ATG10: variants seen among roughly 807,000 people sequenced by gnomAD.
ATG10 encodes the protein ubiquitin-like-conjugating enzyme ATG10.
ATG10 carries 30 observed loss-of-function variants against 32.1 expected under a neutral mutation model. The observed-to-expected ratio is 0.94, with a 90% confidence interval of 0.70 to 1.27. The LOEUF (loss-of-function observed/expected upper bound fraction) is 1.27, where lower values mean the gene tolerates loss of function less well. Ranked by LOEUF, ATG10 falls within the 50% of genes most tolerant of loss-of-function variation. The pLI, the probability that ATG10 is intolerant of heterozygous loss-of-function variation, is 0.00. For missense variants in ATG10, 233 were observed against 262.3 expected (o/e 0.89, Z 0.77); for synonymous variants, 87 against 91.5 (o/e 0.95, Z 0.28).
Position 82,148,319 on chromosome 5 carries a change from C to T in ATG10, c.217-16080C>T, listed in dbSNP as rs546828367. Among the ~76,000 whole-genome samples the T allele has an allele frequency of 3.9e-5, 6 of 152,230 alleles. No homozygotes were observed. The South Asian group carries it at 1.0e-3, about 26-fold the overall frequency. On this transcript the variant is annotated intron_variant, in intron 3 of 7. Transcript: ENST00000282185. ...AGTGATCTGATTCTCTTCCAGCTGC[C>T]CACAGGCACAATAACATCATGTTCT...
intron 5 of ATG10, among the ~76,000 whole-genome samples, chr5:82,249,759 GA>G (rs1198764887): frequency 6.6e-6 from 1 of 152,080 alleles, no homozygotes. Context: ...TATGTGGAAT[GA>G]AAAAAAGATG....
At chr5:82,153,605 G>C (rs1473477521) in intron 3 of ATG10, among the ~76,000 whole-genome samples, 2 of 152,130 alleles carry the variant, frequency 1.3e-5, no homozygotes, top group Admixed American at 6.5e-5. Flanking sequence ...GGTTAAGGGT[G>C]ATTAGGATAC....
chr5:82,037,583 A>G (rs996655892), intron 2 of ATG10, among the ~76,000 whole-genome samples: 1 of 152,130 alleles, frequency 6.6e-6, no homozygotes, highest in East Asian at 1.9e-4. Flanking sequence ...AACTGTAGTC[A>G]TGATAGTGAG....
At chr5:81,999,119 C>A (rs1395329716) in intron 2 of ATG10, among the ~76,000 whole-genome samples, 1 of 149,156 alleles carries the variant, frequency 6.7e-6, no homozygotes, top group Non-Finnish European at 1.5e-5. Flanking sequence ...TCACCACACA[C>A]TCAGACATAA....
chr5:82,141,591 A>T (rs2149865261), intron 3 of ATG10, among the ~76,000 whole-genome samples: 1 of 152,312 alleles, frequency 6.6e-6, no homozygotes, highest in African/African-American at 2.4e-5. Flanking sequence ...AGAGATGAAA[A>T]AAATAAGCTA....
chr5:82,235,177 TCTTTC>T (rs1173068487), intron 5 of ATG10, among the ~76,000 whole-genome samples: 2 of 152,176 alleles, frequency 1.3e-5, no homozygotes, highest in Non-Finnish European at 2.9e-5. Context: ...ATGACTCTCT[TCTTTC>T]CTTTCCTCTA....
intron 4 of ATG10, among the ~76,000 whole-genome samples, chr5:82,166,473 G>C (rs539694721): frequency 6.6e-6 from 1 of 152,212 alleles, no homozygotes; most frequent in South Asian, 2.1e-4. Flanking sequence ...ATGTTTTCTG[G>C]TGGAGAAACA....
At chr5:82,225,180 TAAGA>T (rs1425683431) in intron 5 of ATG10, among the ~76,000 whole-genome samples, 1 of 152,196 alleles carries the variant, frequency 6.6e-6, no homozygotes, top group Non-Finnish European at 1.5e-5. Flanking sequence ...ATTTCAGAAA[TAAGA>T]GTCTCTCACT....
intron 3 of ATG10, among the ~76,000 whole-genome samples, chr5:82,135,098 A>G (rs1328406843): frequency 6.6e-6 from 1 of 151,618 alleles, no homozygotes. Flanking sequence ...TATTGTGTCT[A>G]TTTGATTCTT....
At chr5:82,090,906 T>C (rs889732054) in intron 3 of ATG10, among the ~76,000 whole-genome samples, 1 of 152,218 alleles carries the variant, frequency 6.6e-6, no homozygotes, top group African/African-American at 2.4e-5. Flanking sequence ...ACTAGGAGGA[T>C]GAAGGTGCTT....
intron 5 of ATG10, among the ~76,000 whole-genome samples, chr5:82,197,997 C>T (rs967994581): frequency 6.6e-6 from 1 of 152,074 alleles, no homozygotes; most frequent in Admixed American, 6.5e-5. Flanking sequence ...TAGAACTCCT[C>T]ACATACTTTA....
chr5:82,081,381 A>T (rs1470343597), intron 3 of ATG10, among the ~76,000 whole-genome samples: 2 of 152,224 alleles, frequency 1.3e-5, no homozygotes, highest in African/African-American at 4.8e-5. Flanking sequence ...CCTGGCCAGA[A>T]CTTCCAACAC....
intron 5 of ATG10, among the ~76,000 whole-genome samples, chr5:82,225,020 T>C (rs1440237746): frequency 6.6e-6 from 1 of 152,246 alleles, no homozygotes; most frequent in Non-Finnish European, 1.5e-5. Flanking sequence ...TGATTTCAAA[T>C]TTCCAATTAA....
intron 6 of ATG10, 28 bp from the exon 7 acceptor site, chr5:82,253,286 C>A: frequency 6.9e-7 from 1 of 1,452,666 alleles, no homozygotes; most frequent in Non-Finnish European, 9.7e-7. Context: ...GAAACGTTAG[C>A]ATGGCCTGTA....
intron 5 of ATG10, chr5:82,242,727 C>A: frequency 8.6e-6 from 3 of 348,864 alleles, no homozygotes; most frequent in South Asian, 2.2e-5. Context: ...TTTATACCTA[C>A]AAAAACCTAT....
intron 1 of ATG10, 90 bp downstream of exon 1, chr5:81,972,396 G>C (rs1760748167): frequency 6.6e-6 from 1 of 152,530 alleles, no homozygotes; most frequent in Non-Finnish European, 1.5e-5. Flanking sequence ...AGGGAGGAAG[G>C]GCACGCGCGG....
At chr5:82,063,617 C>T (rs904989845) in intron 3 of ATG10, among the ~76,000 whole-genome samples, 12 of 152,024 alleles carry the variant, frequency 7.9e-5, no homozygotes, top group East Asian at 1.9e-4. Flanking sequence ...CTCAGCCTCC[C>T]GAGTAGCTGG....
chr5:81,975,994 ATTTATTTT>A (rs1760862111), intron 1 of ATG10, among the ~76,000 whole-genome samples: 1 of 149,550 alleles, frequency 6.7e-6, no homozygotes, highest in African/African-American at 2.5e-5. Flanking sequence ...TTATTTATTT[ATTTATTTT>A]ATCTTTTTTT....
chr5:82,166,852 T>C (rs1743605450), intron 4 of ATG10, among the ~76,000 whole-genome samples: 1 of 152,190 alleles, frequency 6.6e-6, no homozygotes, highest in Admixed American at 6.5e-5. Flanking sequence ...CAAAAATAGT[T>C]CACTTAGCCT....
Sources: allele counts gnomAD v4.1 joint callset (sites outside exome capture counted in the v4.1 genomes callset), GRCh38; gene constraint gnomAD v4.1.1; transcripts MANE v1.5; gene names NCBI Gene and HGNC (gene_info 2026-07-23, HGNC 2026-07-21).